KCNMA1: variants seen among roughly 807,000 people sequenced by gnomAD.
The protein encoded by KCNMA1 is potassium calcium-activated channel subfamily M alpha 1.
In KCNMA1, 29 loss-of-function variants were observed where a neutral mutation model predicts 140.0. The observed-to-expected ratio is 0.21, with a 90% CI of 0.15 to 0.28. The LOEUF (loss-of-function observed/expected upper bound fraction) is 0.28. Ranked by LOEUF, KCNMA1 falls within the 10% of genes least tolerant of loss-of-function variation. The probability of loss-of-function intolerance (pLI) is 1.00; values close to 1 mark genes in which losing one functional copy is unlikely to be tolerated. For missense variants in KCNMA1, 880 were observed against 1,602.2 expected (o/e 0.55, Z 7.70); for synonymous variants, 612 against 611.9 (o/e 1.00, Z 0.00).
chr10:77,522,438 A>C (rs899891087), intron 1 of KCNMA1, among the ~76,000 whole-genome samples: 4 of 152,170 alleles, frequency 2.6e-5, no homozygotes, highest in Admixed American at 6.5e-5. Context: ...CACCTGCCCC[A>C]AAATCCCCAG....
chr10:77,393,384 C>CAA (rs527859836), intron 2 of KCNMA1, among the ~76,000 whole-genome samples: 154 of 152,314 alleles, frequency 1.0e-3, no homozygotes, highest in South Asian at 2.5e-3. Context: ...CTCACACACA[C>CAA]AATAACAAAA....
chr10:76,871,031 T>G (rs774960411), exon 28 of KCNMA1: 1 of 152,392 alleles, frequency 6.6e-6, no homozygotes, highest in Non-Finnish European at 1.5e-5. Flanking sequence ...TTGCTCCTTC[T>G]TAGTCCTGAA....
At chr10:77,049,420 T>C (rs979946841) in intron 14 of KCNMA1, among the ~76,000 whole-genome samples, 1 of 152,202 alleles carries the variant, frequency 6.6e-6, no homozygotes, top group Non-Finnish European at 1.5e-5. Flanking sequence ...ACTTAGTAAG[T>C]GCTCCATGTG....
intron 1 of KCNMA1, among the ~76,000 whole-genome samples, chr10:77,516,313 C>G (rs1456995001): frequency 6.6e-6 from 1 of 152,028 alleles, no homozygotes; most frequent in Non-Finnish European, 1.5e-5. Flanking sequence ...CTCCCCTTAA[C>G]AAAGAGCTTT....
intron 12 of KCNMA1, among the ~76,000 whole-genome samples, chr10:77,080,317 G>A (rs1196156772): frequency 1.3e-5 from 2 of 152,220 alleles, no homozygotes; most frequent in Non-Finnish European, 2.9e-5. Flanking sequence ...TAGCCCCGCT[G>A]TGCAGGAGCA....
chr10:77,064,359 T>C (rs760750691), intron 14 of KCNMA1, among the ~76,000 whole-genome samples: 54 of 152,148 alleles, frequency 3.5e-4, no homozygotes, highest in African/African-American at 1.2e-3. Context: ...TCTAATCATG[T>C]TGGGGGAAGG....
chr10:77,259,266 T>C (rs767836457), intron 2 of KCNMA1, among the ~76,000 whole-genome samples: 7 of 152,176 alleles, frequency 4.6e-5, no homozygotes, highest in African/African-American at 7.2e-5. Context: ...AGCATTAAAA[T>C]AAAATGCATG....
At chr10:77,450,478 T>C (rs954794468) in intron 1 of KCNMA1, among the ~76,000 whole-genome samples, 6 of 152,230 alleles carry the variant, frequency 3.9e-5, no homozygotes, top group Admixed American at 3.9e-4. Context: ...CATTATATAA[T>C]AATAAAATAC....
chr10:76,957,793 T>C (rs1447420175), intron 20 of KCNMA1, among the ~76,000 whole-genome samples: 2 of 152,180 alleles, frequency 1.3e-5, no homozygotes, highest in African/African-American at 2.4e-5. Context: ...AGGGATTAAT[T>C]TATGGCTCCA....
At chr10:77,445,508 G>C (rs1482250070) in intron 1 of KCNMA1, among the ~76,000 whole-genome samples, 1 of 152,116 alleles carries the variant, frequency 6.6e-6, no homozygotes, top group Non-Finnish European at 1.5e-5. Context: ...GTCCTTTAAT[G>C]AAAGTTTCTA....
At chr10:77,133,162 C>A (rs1429116060) in intron 5 of KCNMA1, among the ~76,000 whole-genome samples, 10 of 135,906 alleles carry the variant, frequency 7.4e-5, no homozygotes, top group South Asian at 2.3e-4. Flanking sequence ...GGAATTTAAT[C>A]AAATGGAGAA....
At chr10:76,877,380 C>T (rs1328767932), downstream of KCNMA1, 1 of 155,714 alleles carries the variant, frequency 6.4e-6, no homozygotes, top group African/African-American at 2.4e-5. Flanking sequence ...GAGAAAAACA[C>T]ATTAAGGAGT....
intron 14 of KCNMA1, among the ~76,000 whole-genome samples, chr10:77,045,088 T>A (rs2094961943): frequency 6.6e-6 from 1 of 152,236 alleles, no homozygotes; most frequent in Non-Finnish European, 1.5e-5. Context: ...CATAAAAGTA[T>A]GGTTTCTATT....
At chr10:77,550,286 T>C (rs2062456762) in intron 1 of KCNMA1, among the ~76,000 whole-genome samples, 1 of 152,164 alleles carries the variant, frequency 6.6e-6, no homozygotes, top group South Asian at 2.1e-4. Flanking sequence ...CCATCTGATA[T>C]TGGCTCTGGT....
At chr10:77,502,881 A>C (rs189181311) in intron 1 of KCNMA1, among the ~76,000 whole-genome samples, 1 of 152,358 alleles carries the variant, frequency 6.6e-6, no homozygotes, top group Non-Finnish European at 1.5e-5. Flanking sequence ...TAAAACTGAT[A>C]ATGACAACGA....
At chr10:77,386,983 G>A (rs1314088712) in intron 2 of KCNMA1, among the ~76,000 whole-genome samples, 3 of 152,212 alleles carry the variant, frequency 2.0e-5, no homozygotes, top group Non-Finnish European at 4.4e-5. Flanking sequence ...ACAGTGCCGG[G>A]GGAGTGGGGC....
chr10:76,942,261 G>A (rs1227921366), intron 23 of KCNMA1, among the ~76,000 whole-genome samples: 1 of 152,100 alleles, frequency 6.6e-6, no homozygotes, highest in African/African-American at 2.4e-5. Context: ...CCTGGCCTCA[G>A]GCTTCTTTTA....
chr10:76,966,959 G>A (rs148428501), intron 20 of KCNMA1, among the ~76,000 whole-genome samples: 8 of 152,262 alleles, frequency 5.3e-5, no homozygotes, highest in Non-Finnish European at 1.0e-4. Flanking sequence ...CCTAATGATC[G>A]TGCAGAGTTA....
chr10:76,887,292 T>C lies in KCNMA1; in HGVS notation c.3685A>G (p.Lys1229Glu), dbSNP rs2037538830. Residue 1229 changes from lysine to glutamate, a missense_variant, in exon 28 of 28, where the codon AAG becomes GAG. This residue lies in a region of KCNMA1 where 115 missense variants were observed against 139.9 expected (regional missense o/e 0.82). Coordinates refer to ENST00000286628, the MANE Select transcript of KCNMA1 (RefSeq NM_001161352.2). ...PKSRESRDKQ[K>E]YVQEERL is the part of the protein sequence containing the mutation. ...CAAAGCCGCTCTTCCTGCACGTACT[T>C]CTGTTTGTCCCGGGACTCCCTGGAC... 1 of 1,614,044 alleles carries C rather than the reference T, an allele frequency of 6.2e-7. No individual in the cohort carries two copies. Among genetic ancestry groups the C allele is most frequent in the Non-Finnish European group, 8.5e-7 (1 of 1,179,996 alleles).
Sources: allele counts gnomAD v4.1 joint callset (sites outside exome capture counted in the v4.1 genomes callset), GRCh38; gene constraint gnomAD v4.1.1; regional missense constraint gnomAD v4.1.1; transcripts MANE v1.5; gene names NCBI Gene and HGNC (gene_info 2026-07-23, HGNC 2026-07-21).